Variants in KIFC3 observed in about 807,000 individuals in gnomAD.
KIFC3 encodes the protein kinesin family member C3.
Under a neutral mutation model 101.8 loss-of-function variants are expected in KIFC3, and 60 were observed. That is an observed-to-expected ratio of 0.59 (90% CI 0.48 to 0.73). The LOEUF (loss-of-function observed/expected upper bound fraction) is 0.73. KIFC3 is among the 30% of genes least tolerant of loss of function. The probability of loss-of-function intolerance (pLI) is 0.00; values close to 1 mark genes in which losing one functional copy is unlikely to be tolerated. For missense variants in KIFC3, 966 were observed against 1,137.1 expected, an observed-to-expected ratio of 0.85 and a Z score of 2.16; for synonymous variants, 476 against 482.7, an observed-to-expected ratio of 0.99 and a Z score of 0.18.
intron 2 of KIFC3, 65 bp downstream of exon 2, chr16:57,798,007 G>A (rs2054475711): frequency 2.6e-6 from 4 of 1,550,906 alleles, no homozygotes; most frequent in Non-Finnish European, 2.6e-6. Context: ...AGAAACCTCA[G>A]TCTCATCTCT....
intron 1 of KIFC3, among the ~76,000 whole-genome samples, chr16:57,858,326 A>G (rs1394715076): frequency 2.0e-5 from 3 of 152,188 alleles, no homozygotes. Flanking sequence ...CGCCCCTAGG[A>G]GAAGAAGCCT....
At chr16:57,790,968 T>A (rs2149164103) in intron 3 of KIFC3, 2 of 981,026 alleles carry the variant, frequency 2.0e-6, no homozygotes, top group South Asian at 9.5e-5. Context: ...GCGCAGTGGC[T>A]CACACCTGTA....
At chr16:57,780,024 G>C (rs2052539031) in intron 3 of KIFC3, 1 of 152,058 alleles carries the variant, frequency 6.6e-6, no homozygotes, top group African/African-American at 2.4e-5. Flanking sequence ...GACCTCATGA[G>C]AACTCACTAT....
chr16:57,810,363 G>C (rs925422148), intron 1 of KIFC3, among the ~76,000 whole-genome samples: 1 of 152,232 alleles, frequency 6.6e-6, no homozygotes, highest in South Asian at 2.1e-4. Context: ...GTGGTGCGCA[G>C]CCTCTCCCCT....
intron 1 of KIFC3, among the ~76,000 whole-genome samples, chr16:57,845,955 A>T (rs2055908938): frequency 6.6e-6 from 1 of 152,184 alleles, no homozygotes; most frequent in Non-Finnish European, 1.5e-5. Flanking sequence ...TTGTGAAAGG[A>T]AGGGGCTGCC....
chr16:57,804,100 C>T (rs1368945615), upstream of KIFC3, among the ~76,000 whole-genome samples: 4 of 152,128 alleles, frequency 2.6e-5, no homozygotes, highest in Non-Finnish European at 5.9e-5. Context: ...CCCACCAAAG[C>T]CAAAGCCAGA....
At position 57,769,471 on chromosome 16, in the gene KIFC3, G is replaced by A. The variant is rs74329254; in HGVS notation, c.1218+124C>T. The A allele has an allele frequency of 4.1e-4, 496 of 1,221,948 alleles. 7 individuals are homozygous for A. The Admixed American group carries it at 9.9e-3, about 24-fold the overall frequency. 75.7% of individuals were successfully genotyped at this position (1,221,948 alleles called of 1,614,324 possible). ...AGGGCAGCAGTAAGTGTCATGGGGG[G>A]TGGGGCAGGGGCTGCTGTCTGAGCG... On this transcript the variant is annotated intron_variant, in intron 9 of 19. Transcript: ENST00000445690. The surrounding 1 kb of genome is among the most constrained non-coding windows in gnomAD (Gnocchi z 4.3).
chr16:57,795,400 G>A (rs147994035), intron 2 of KIFC3, among the ~76,000 whole-genome samples: 1,726 of 152,348 alleles, frequency 0.011, 19 homozygotes, highest in Non-Finnish European at 0.019. Flanking sequence ...ATACCCCACC[G>A]GAGGCTCCCC....
rs111564872 is a variant in KIFC3 at position 57,768,688 on chromosome 16, T to C, written c.1218+907A>G. ...TCACCACGTCCATGTATTACTGATA[T>C]AGTCTTTTAAAGGAGAAGAACTATA... On this transcript the variant is annotated intron_variant, in intron 9 of 19. Coordinates refer to ENST00000445690, the MANE Select transcript of KIFC3 (RefSeq NM_001130100.2). 9.0e-3 allele frequency among the ~76,000 whole-genome samples: 1,371 copies of C among 152,310 alleles called. 10 individuals carry two copies. Among genetic ancestry groups the C allele is most frequent in the African/African-American group, 0.03 (1,248 of 41,562 alleles).
chr16:57,793,011 G>C (rs945998525), intron 3 of KIFC3, among the ~76,000 whole-genome samples: 4 of 152,122 alleles, frequency 2.6e-5, no homozygotes, highest in Non-Finnish European at 5.9e-5. Flanking sequence ...TATGCACTGG[G>C]AACTGTGGCT....
chr16:57,807,075 G>A (rs115753321), upstream of KIFC3, among the ~76,000 whole-genome samples: 332 of 152,146 alleles, frequency 2.2e-3, 1 homozygote, highest in African/African-American at 6.9e-3. Flanking sequence ...AAAATTACCC[G>A]ATGTGCTGGT....
chr16:57,803,450 C>T (rs1384053732), upstream of KIFC3: 1 of 475,430 alleles, frequency 2.1e-6, no homozygotes, highest in African/African-American at 2.0e-5. Flanking sequence ...GCTGACGGTT[C>T]TGCAGATAAT....
intron 1 of KIFC3, among the ~76,000 whole-genome samples, chr16:57,845,598 G>GCT (rs1191195851): frequency 2.0e-5 from 3 of 152,044 alleles, no homozygotes; most frequent in African/African-American, 7.2e-5. Context: ...TATCCACAGG[G>GCT]CTCTCTCCCT....
intron 3 of KIFC3, chr16:57,791,026 G>T: frequency 3.9e-6 from 2 of 518,036 alleles, no homozygotes; most frequent in Non-Finnish European, 5.0e-6. Flanking sequence ...CTGAGGTTAG[G>T]ACTTCGAGAG....
chr16:57,787,572 C>G (rs2053461798), intron 3 of KIFC3, among the ~76,000 whole-genome samples: 1 of 152,176 alleles, frequency 6.6e-6, no homozygotes, highest in African/African-American at 2.4e-5. Context: ...TCAAAGGGGC[C>G]CTTGTGCTGG....
At chr16:57,841,108 G>A (rs1007627435) in intron 1 of KIFC3, among the ~76,000 whole-genome samples, 2 of 152,202 alleles carry the variant, frequency 1.3e-5, no homozygotes. Context: ...CAGCAGAGAC[G>A]GAACAATAGA....
intron 3 of KIFC3, chr16:57,779,668 G>C (rs2052496053): frequency 6.6e-6 from 1 of 151,978 alleles, no homozygotes; most frequent in Admixed American, 6.6e-5. Flanking sequence ...AAATACAAAA[G>C]CCGGGTGTGG....
At position 57,772,103 on chromosome 16, in the gene KIFC3, G is replaced by T; in HGVS notation, c.381+120C>A. 4.8e-6 allele frequency: 4 copies of T among 839,130 alleles called. No homozygotes were observed. In the South Asian group the frequency reaches 4.8e-5, roughly 10 times the overall value. 52.0% of individuals were successfully genotyped at this position (839,130 alleles called of 1,614,324 possible). ...GGGATAAGGCTCTCGGTGTGTTTCT[G>T]AGACAGGGTGGGATATGCGGGCTCA... On this transcript the variant is annotated intron_variant, in intron 4 of 19. Coordinates refer to ENST00000445690, the MANE Select transcript of KIFC3 (RefSeq NM_001130100.2).
chr16:57,806,978 G>T (rs2149251283), upstream of KIFC3, among the ~76,000 whole-genome samples: 1 of 152,358 alleles, frequency 6.6e-6, no homozygotes, highest in South Asian at 2.1e-4. Context: ...CAGCACTTTG[G>T]GAGGCTGAGG....
Sources: gnomAD v4.1 joint callset for allele counts (sites outside exome capture counted in the v4.1 genomes callset) on GRCh38, gnomAD v4.1.1 for gene constraint, Gnocchi (gnomAD v3.1) non-coding constraint, MANE v1.5 for transcripts, NCBI Gene and HGNC (gene_info 2026-07-23, HGNC 2026-07-21) for gene names.